Variants in JPH3 observed in about 807,000 individuals in gnomAD.
JPH3 encodes the protein junctophilin 3.
JPH3 carries 11 observed loss-of-function variants against 59.6 expected under a neutral mutation model. That is an observed-to-expected ratio of 0.18 (90% CI 0.12 to 0.31). The LOEUF (loss-of-function observed/expected upper bound fraction) is 0.31. Ranked by LOEUF, JPH3 falls within the 10% of genes least tolerant of loss-of-function variation. JPH3 has a pLI of 1.00. For synonymous variants in JPH3, 673 were observed against 483.6 expected (o/e 1.39, Z -5.14); for missense variants, 1,202 against 1,105.7 (o/e 1.09, Z -1.24).
intron 2 of JPH3, among the ~76,000 whole-genome samples, chr16:87,673,287 T>C (rs1195007803): frequency 6.7e-6 from 1 of 150,074 alleles, no homozygotes; most frequent in Admixed American, 6.7e-5. Flanking sequence ...AAGGAGATAA[T>C]GCTGGGTTTC....
intron 2 of JPH3, among the ~76,000 whole-genome samples, chr16:87,658,849 C>T (rs1004829907): frequency 3.9e-5 from 6 of 152,220 alleles, no homozygotes; most frequent in Non-Finnish European, 7.3e-5. Context: ...GGGTGGGTGG[C>T]CCCCCAGCCC....
intron 2 of JPH3, among the ~76,000 whole-genome samples, chr16:87,652,517 G>A (rs1434930337): frequency 6.6e-6 from 1 of 152,204 alleles, no homozygotes; most frequent in Admixed American, 6.5e-5. Context: ...AGGCCGGAGC[G>A]CAGTGGTGCC....
chr16:87,666,922 G>A (rs542353693), intron 2 of JPH3, among the ~76,000 whole-genome samples: 1 of 152,222 alleles, frequency 6.6e-6, no homozygotes, highest in African/African-American at 2.4e-5. Flanking sequence ...GTCGGCTCCT[G>A]GGCCTGTGTG....
intron 1 of JPH3, among the ~76,000 whole-genome samples, chr16:87,613,320 C>T (rs893394232): frequency 2.0e-5 from 3 of 150,222 alleles, no homozygotes; most frequent in South Asian, 4.2e-4. Flanking sequence ...AGGATGGTCT[C>T]GATCTCCTGA....
intron 2 of JPH3, among the ~76,000 whole-genome samples, chr16:87,651,361 T>C (rs2032319925): frequency 6.6e-6 from 1 of 152,214 alleles, no homozygotes; most frequent in South Asian, 2.1e-4. Flanking sequence ...AATTTTGACT[T>C]TGAGGTCTTA....
chr16:87,691,564 C>T (rs2142839146), intron 4 of JPH3, among the ~76,000 whole-genome samples: 1 of 152,236 alleles, frequency 6.6e-6, no homozygotes, highest in African/African-American at 2.4e-5. Context: ...TCTGTCCCTG[C>T]CCCTGACCTA....
At chr16:87,638,665 C>G (rs1017557780) in intron 1 of JPH3, among the ~76,000 whole-genome samples, 2 of 152,116 alleles carry the variant, frequency 1.3e-5, no homozygotes, top group Non-Finnish European at 2.9e-5. Context: ...CCCGGGGTCC[C>G]TGCTCTGCTC....
At chr16:87,666,788 C>G (rs1367360245) in intron 2 of JPH3, among the ~76,000 whole-genome samples, 1 of 152,332 alleles carries the variant, frequency 6.6e-6, no homozygotes, top group East Asian at 1.9e-4. Context: ...GTCCCTGTAC[C>G]CTTGTGAGGT....
chr16:87,632,606 A>G (rs1373867133), intron 1 of JPH3, among the ~76,000 whole-genome samples: 2 of 152,082 alleles, frequency 1.3e-5, no homozygotes, highest in Non-Finnish European at 2.9e-5. Context: ...TTTCAACAAA[A>G]TTTTGGCTGG....
chr16:87,604,242 G>A lies in JPH3; in HGVS notation c.382+714G>A, dbSNP rs1004967118. On this transcript the variant is annotated intron_variant, in intron 1 of 4. Coordinates refer to ENST00000284262, the MANE Select transcript of JPH3 (RefSeq NM_020655.4). ...TCGATCTGTGCCTTCATTCTAAGAT[G>A]CCACCGCATTCGGGGCAGAGCCGGG... The A allele has an allele frequency of 2.1e-6, 3 of 1,450,606 alleles. No individual in the cohort carries two copies. The African/African-American group carries it at 4.3e-5, about 21-fold the overall frequency. 89.9% of individuals were successfully genotyped at this position (1,450,606 alleles called of 1,614,324 possible).
intron 2 of JPH3, among the ~76,000 whole-genome samples, chr16:87,677,226 A>ACACACACACACACACACACACACAC (rs1491554199): frequency 1.1e-4 from 10 of 88,034 alleles, no homozygotes; most frequent in Non-Finnish European, 1.7e-4. Flanking sequence ...ACACACACAC[A>ACACACACACACACACACACACACAC]AAAAAAAAAA....
chr16:87,603,801 C>T (rs2030366253), intron 1 of JPH3, among the ~76,000 whole-genome samples: 1 of 152,192 alleles, frequency 6.6e-6, no homozygotes, highest in African/African-American at 2.4e-5. Context: ...GTGCGTCGGA[C>T]ACAGCAGGCC....
intron 1 of JPH3, among the ~76,000 whole-genome samples, chr16:87,618,312 A>AGGAG (rs1184006720): frequency 1.3e-5 from 2 of 152,104 alleles, no homozygotes; most frequent in East Asian, 3.9e-4. Context: ...AGGAGGCAGG[A>AGGAG]GGAGGGAGGG....
rs1597228223 is a variant in JPH3, at chr16:87,603,085, T to C, written c.-62T>C. ...CCAGGGCCGCCGGCGGCCGCGACTC[T>C]GCTGTGTCGATCGCCTGAGTCCGTT... On this transcript the variant is annotated 5_prime_UTR_variant, in exon 1 of 5. Transcript: ENST00000284262. 1 of 1,608,590 alleles carries C rather than the reference T, an allele frequency of 6.2e-7. No homozygotes were observed. The highest frequency in any genetic ancestry group is 8.5e-7 in the Non-Finnish European group (1 of 1,176,730).
At chr16:87,680,077 C>T (rs1158863347) in intron 2 of JPH3, among the ~76,000 whole-genome samples, 11 of 152,252 alleles carry the variant, frequency 7.2e-5, no homozygotes, top group Non-Finnish European at 7.3e-5. Flanking sequence ...TCTCCCCACC[C>T]AGCTGCCTCC....
chr16:87,606,415 C>A (rs1321504066), intron 1 of JPH3, among the ~76,000 whole-genome samples: 1 of 152,234 alleles, frequency 6.6e-6, no homozygotes, highest in Non-Finnish European at 1.5e-5. Context: ...CCTCCTCCTC[C>A]AGGTGTGTCC....
chr16:87,663,109 T>A (rs2032756602), intron 2 of JPH3, among the ~76,000 whole-genome samples: 1 of 140,960 alleles, frequency 7.1e-6, no homozygotes. Context: ...CAAGGTTAAT[T>A]TCTTTCTTTT....
chr16:87,661,730 C>T (rs1005828600), intron 2 of JPH3, among the ~76,000 whole-genome samples: 1 of 152,242 alleles, frequency 6.6e-6, no homozygotes, highest in Admixed American at 6.5e-5. Flanking sequence ...TCGGAGAGTT[C>T]CCCGCAGGCC....
chr16:87,649,587 T>C (rs1350587798), intron 2 of JPH3, among the ~76,000 whole-genome samples: 2 of 152,156 alleles, frequency 1.3e-5, no homozygotes, highest in African/African-American at 2.4e-5. Flanking sequence ...TGACATGGCT[T>C]CATTTTCAAC....
Sources: gnomAD v4.1 joint callset for allele counts (sites outside exome capture counted in the v4.1 genomes callset) on GRCh38, gnomAD v4.1.1 for gene constraint, MANE v1.5 for transcripts, NCBI Gene and HGNC (gene_info 2026-07-23, HGNC 2026-07-21) for gene names.